CNTN6: variants seen among roughly 807,000 people sequenced by gnomAD.
CNTN6 encodes contactin-6.
In CNTN6, 137 loss-of-function variants were observed where a neutral mutation model predicts 122.8. The ratio of observed to expected loss-of-function variants is 1.12; its 90% CI spans 0.97 to 1.29. The LOEUF (loss-of-function observed/expected upper bound fraction) is 1.29, where lower values mean the gene tolerates loss of function less well. Ranked by LOEUF, CNTN6 falls within the 50% of genes most tolerant of loss-of-function variation. The probability of loss-of-function intolerance (pLI) is 0.00; values close to 1 mark genes in which losing one functional copy is unlikely to be tolerated. For missense variants in CNTN6, 1,634 were observed against 1,223.4 expected (o/e 1.34, Z -5.01); for synonymous variants, 570 against 426.0 (o/e 1.34, Z -4.16).
At chr3:1,143,464 T>C (rs1412111152) in intron 1 of CNTN6, among the ~76,000 whole-genome samples, 1 of 152,176 alleles carries the variant, frequency 6.6e-6, no homozygotes, top group Non-Finnish European at 1.5e-5. Flanking sequence ...GGTTTTCCTT[T>C]ATTACACCAT....
chr3:1,282,146 A>C (rs1378374918), intron 5 of CNTN6, among the ~76,000 whole-genome samples: 1 of 152,206 alleles, frequency 6.6e-6, no homozygotes, highest in East Asian at 1.9e-4. Flanking sequence ...GATTGGTCAC[A>C]ACCCCATGAA....
intron 19 of CNTN6, among the ~76,000 whole-genome samples, chr3:1,384,810 CACATAT>C (rs1374370959): frequency 2.2e-5 from 3 of 136,242 alleles, no homozygotes; most frequent in African/African-American, 5.1e-5. Flanking sequence ...CACACACACA[CACATAT>C]ATATATATAT....
intron 17 of CNTN6, among the ~76,000 whole-genome samples, chr3:1,382,119 C>G (rs970083001): frequency 1.3e-5 from 2 of 149,496 alleles, no homozygotes; most frequent in African/African-American, 4.9e-5. Context: ...AAAAAAAAAG[C>G]AAAGCATTTT....
intron 7 of CNTN6, among the ~76,000 whole-genome samples, chr3:1,318,327 T>C (rs1428817495): frequency 6.6e-6 from 1 of 151,506 alleles, no homozygotes; most frequent in Non-Finnish European, 1.5e-5. Context: ...ATTTTTTTTT[T>C]TGTCTTATAT....
Position 1,245,304 on chromosome 3 carries a change from A to AT in CNTN6, c.358+17312dup, listed in dbSNP as rs1553639237. Among the ~76,000 whole-genome samples the AT allele has an allele frequency of 1.6e-3, 15 of 9,100 alleles. 2 individuals are homozygous for AT. The highest frequency in any genetic ancestry group is 6.2e-3 in the African/African-American group (11 of 1,778). The allele number at this position is 9,100 out of a possible 152,430, so 6.0% of individuals were successfully genotyped here. On this transcript the variant is annotated intron_variant, in intron 4 of 22. Coordinates refer to ENST00000446702, the MANE Select transcript of CNTN6 (RefSeq NM_001289080.2). ...ACACATATATATATAACATATATAT[A>AT]TATATATATATATATATATATATAT...
intron 4 of CNTN6, among the ~76,000 whole-genome samples, chr3:1,251,055 A>G (rs2094659176): frequency 1.3e-5 from 2 of 152,092 alleles, no homozygotes; most frequent in Admixed American, 6.6e-5. Context: ...GATTTTACCT[A>G]TTAGCTCACT....
At chr3:1,399,424 A>G (rs1695394334) in intron 20 of CNTN6, among the ~76,000 whole-genome samples, 1 of 152,100 alleles carries the variant, frequency 6.6e-6, no homozygotes, top group South Asian at 2.1e-4. Context: ...TACGTTGTAC[A>G]TTGACAAGCA....
chr3:1,324,246 G>A (rs958486555), intron 8 of CNTN6, among the ~76,000 whole-genome samples: 8 of 149,140 alleles, frequency 5.4e-5, no homozygotes, highest in African/African-American at 2.1e-4. Flanking sequence ...CTCGTTTGTA[G>A]TCTCATTGAA....
intron 22 of CNTN6, 127 bp downstream of exon 22, chr3:1,402,613 CA>C: frequency 3.8e-6 from 3 of 779,774 alleles, no homozygotes; most frequent in Non-Finnish European, 5.9e-6. Flanking sequence ...CAATTGTGAG[CA>C]AAAGGTGATG....
chr3:1,097,091 G>T (rs1015134783), intron 1 of CNTN6, among the ~76,000 whole-genome samples: 1 of 152,142 alleles, frequency 6.6e-6, no homozygotes, highest in African/African-American at 2.4e-5. Flanking sequence ...AGTTAAGACT[G>T]AGTTCATCTG....
At chr3:1,116,313 G>A (rs373456532) in intron 1 of CNTN6, among the ~76,000 whole-genome samples, 7 of 152,244 alleles carry the variant, frequency 4.6e-5, no homozygotes, top group South Asian at 2.1e-4. Context: ...GAAGGAATGA[G>A]TGGATTATCT....
intron 10 of CNTN6, among the ~76,000 whole-genome samples, chr3:1,328,824 T>A (rs1701885610): frequency 6.6e-6 from 1 of 151,686 alleles, no homozygotes; most frequent in Non-Finnish European, 1.5e-5. Flanking sequence ...ACACATGGAT[T>A]CCAACATTCA....
At chr3:1,290,247 A>G (rs1055718984) in intron 5 of CNTN6, among the ~76,000 whole-genome samples, 1 of 152,232 alleles carries the variant, frequency 6.6e-6, no homozygotes, top group African/African-American at 2.4e-5. Context: ...TGCTAATATT[A>G]GCAATAAGTA....
At chr3:1,397,898 T>C (rs1695180788) in intron 20 of CNTN6, among the ~76,000 whole-genome samples, 1 of 152,126 alleles carries the variant, frequency 6.6e-6, no homozygotes, top group African/African-American at 2.4e-5. Flanking sequence ...CATAAGAAGT[T>C]GTTTTTGAAT....
rs1701475283 is a variant in CNTN6, at chr3:1,325,912, G to GTA, written c.1047_1048dup (p.Thr350IlefsTer4). On this transcript the variant is annotated frameshift_variant, in exon 9 of 23. Coordinates refer to ENST00000446702, the MANE Select transcript of CNTN6 (RefSeq NM_001289080.2). LOFTEE classifies it high-confidence loss of function. The stretch of plus-strand genomic sequence containing the variant: ...AAGCTAGTGGAAAGCCAAACCCTTG[G>GTA]TATACATGGTTAAAAAATGGTGAAC... The GTA allele has an allele frequency of 1.2e-6, 2 of 1,611,178 alleles. No homozygotes were observed. The highest frequency in any genetic ancestry group is 1.7e-6 in the Non-Finnish European group (2 of 1,178,346).
intron 2 of CNTN6, among the ~76,000 whole-genome samples, chr3:1,187,484 T>C (rs151183556): frequency 0.012 from 1,809 of 152,292 alleles, 14 homozygotes; most frequent in Non-Finnish European, 0.016. Flanking sequence ...AAGGCTTCAT[T>C]TCCTGCTATC....
chr3:1,188,533 G>A (rs779702050), intron 2 of CNTN6, among the ~76,000 whole-genome samples: 1 of 152,296 alleles, frequency 6.6e-6, no homozygotes. Flanking sequence ...TACACTTGCT[G>A]TTTCTGTGGT....
At chr3:1,245,825 G>A (rs1231967146) in intron 4 of CNTN6, among the ~76,000 whole-genome samples, 2 of 152,046 alleles carry the variant, frequency 1.3e-5, no homozygotes, top group East Asian at 1.9e-4. Flanking sequence ...TAAAGCAGGA[G>A]TGTCCAATCT....
At chr3:1,344,032 C>G (rs1704281502) in intron 11 of CNTN6, among the ~76,000 whole-genome samples, 1 of 152,142 alleles carries the variant, frequency 6.6e-6, no homozygotes. Context: ...AGAAAAAACA[C>G]TGACTCCGTA....
Sources: gnomAD v4.1 joint callset for allele counts (sites outside exome capture counted in the v4.1 genomes callset) on GRCh38, gnomAD v4.1.1 for gene constraint, MANE v1.5 for transcripts, NCBI Gene and HGNC (gene_info 2026-07-23, HGNC 2026-07-21) for gene names.